The following NEGR1 variants were observed in gnomAD, a reference collection of about 807,000 sequenced individuals.
NEGR1 encodes the protein IgLON family member 4.
Under a neutral mutation model 40.9 loss-of-function variants are expected in NEGR1, and 10 were observed. That is an observed-to-expected ratio of 0.24 (90% confidence interval 0.15 to 0.42). The LOEUF is 0.42. Among genes scored for constraint, NEGR1 ranks in the 10% least tolerant of loss-of-function variants. The probability of loss-of-function intolerance (pLI) is 1.00; values close to 1 mark genes in which losing one functional copy is unlikely to be tolerated. For synonymous variants in NEGR1, 185 were observed against 166.8 expected (o/e 1.11, Z -0.84); for missense variants, 352 against 438.9 (o/e 0.80, Z 1.77).
intron 1 of NEGR1, among the ~76,000 whole-genome samples, chr1:72,248,575 T>TTTATTATTATTATTATTA (rs201326223): frequency 3.0e-4 from 40 of 132,958 alleles, no homozygotes; most frequent in Admixed American, 2.3e-4. Context: ...TCTATTTTTA[T>TTTATTATTATTATTATTA]TTATTATTAT....
intron 2 of NEGR1, chr1:71,794,178 G>C (rs1272029536): frequency 6.6e-6 from 1 of 152,092 alleles, no homozygotes; most frequent in Non-Finnish European, 1.5e-5. Context: ...AATTCAACTG[G>C]ATTACAGAAA....
At chr1:71,676,786 AAGAG>A (rs1360698493) in intron 4 of NEGR1, among the ~76,000 whole-genome samples, 6 of 152,190 alleles carry the variant, frequency 3.9e-5, no homozygotes, top group Non-Finnish European at 7.3e-5. Flanking sequence ...GGATGCAAGA[AAGAG>A]AGAAGAGATA....
chr1:71,524,188 T>C (rs1327116897), intron 6 of NEGR1, among the ~76,000 whole-genome samples: 9 of 151,720 alleles, frequency 5.9e-5, no homozygotes, highest in Non-Finnish European at 1.2e-4. Flanking sequence ...AGTCATTAAC[T>C]CTAATTGTTT....
intron 1 of NEGR1, among the ~76,000 whole-genome samples, chr1:71,935,653 C>T (rs1020045027): frequency 3.3e-5 from 5 of 151,926 alleles, no homozygotes; most frequent in African/African-American, 1.2e-4. Flanking sequence ...CAATTTTCTG[C>T]ATTAAAGCCT....
intron 6 of NEGR1, among the ~76,000 whole-genome samples, chr1:71,571,289 C>A (rs1648799457): frequency 6.6e-6 from 1 of 152,108 alleles, no homozygotes; most frequent in African/African-American, 2.4e-5. Context: ...GGAAAGGCAC[C>A]ATCACATTAT....
At position 71,403,066 on chromosome 1, in the gene NEGR1, T is replaced by A. The variant is rs553957051; in HGVS notation, c.*4380A>T. On this transcript the variant is annotated 3_prime_UTR_variant, in exon 7 of 7. Transcript: ENST00000357731. ...TCAAAATAGCTTATAAAACCAAGCA[T>A]GAATCTTTTTTATGCTTTGTTGTTT... The A allele has an allele frequency of 3.2e-4, 48 of 152,244 alleles. No individual in the cohort carries two copies. The highest frequency in any genetic ancestry group is 5.9e-4 in the Non-Finnish European group (40 of 67,950). 9.4% of individuals were successfully genotyped at this position (152,244 alleles called of 1,614,324 possible).
At chr1:72,248,985 T>A (rs1654998564) in intron 1 of NEGR1, among the ~76,000 whole-genome samples, 1 of 152,216 alleles carries the variant, frequency 6.6e-6, no homozygotes, top group East Asian at 1.9e-4. Flanking sequence ...CATTTTTACA[T>A]CTTCAAATTA....
At chr1:72,179,996 T>C (rs1458972333) in intron 1 of NEGR1, among the ~76,000 whole-genome samples, 1 of 151,998 alleles carries the variant, frequency 6.6e-6, no homozygotes, top group Admixed American at 6.6e-5. Context: ...CCCATCAAAA[T>C]CCCAATGGCA....
intron 1 of NEGR1, among the ~76,000 whole-genome samples, chr1:71,996,999 C>T (rs1332907786): frequency 1.3e-5 from 2 of 151,982 alleles, no homozygotes; most frequent in African/African-American, 4.8e-5. Context: ...GAGCTATGCT[C>T]TACTTCTCCT....
chr1:71,720,956 T>G (rs991686705), intron 3 of NEGR1, among the ~76,000 whole-genome samples: 1 of 152,120 alleles, frequency 6.6e-6, no homozygotes, highest in Non-Finnish European at 1.5e-5. Context: ...AAAACATCAG[T>G]CAGCACTGCA....
intron 6 of NEGR1, among the ~76,000 whole-genome samples, chr1:71,507,146 A>G (rs189487596): frequency 5.5e-4 from 84 of 152,346 alleles, no homozygotes; most frequent in Admixed American, 4.8e-3. Flanking sequence ...ATGGTCATCA[A>G]AAAGAGAACA....
At chr1:71,411,721 C>T (rs558226507) in intron 6 of NEGR1, among the ~76,000 whole-genome samples, 60 of 152,040 alleles carry the variant, frequency 3.9e-4, no homozygotes, top group Non-Finnish European at 6.2e-4. Flanking sequence ...CTATGTTGCT[C>T]GGGTGCAGTG....
At chr1:71,901,525 G>T (rs1376288525) in intron 2 of NEGR1, among the ~76,000 whole-genome samples, 1 of 151,926 alleles carries the variant, frequency 6.6e-6, no homozygotes, top group Non-Finnish European at 1.5e-5. Flanking sequence ...TTGATCTAGG[G>T]TGTAGGTAAT....
chr1:72,091,670 T>C (rs1450614446), intron 1 of NEGR1, among the ~76,000 whole-genome samples: 1 of 151,994 alleles, frequency 6.6e-6, no homozygotes, highest in Non-Finnish European at 1.5e-5. Flanking sequence ...TCCAGAAACT[T>C]TACAGAGGGA....
chr1:71,904,009 G>A (rs1006056929), intron 2 of NEGR1, among the ~76,000 whole-genome samples: 2 of 151,744 alleles, frequency 1.3e-5, no homozygotes, highest in African/African-American at 2.4e-5. Context: ...CTATTTACAT[G>A]ATATGAGAAC....
intron 3 of NEGR1, among the ~76,000 whole-genome samples, chr1:71,767,121 T>C (rs931250157): frequency 6.6e-6 from 1 of 152,150 alleles, no homozygotes; most frequent in Non-Finnish European, 1.5e-5. Flanking sequence ...GGCATTGCTA[T>C]AAAGATACCT....
chr1:71,676,616 A>C (rs1019751676), intron 4 of NEGR1, among the ~76,000 whole-genome samples: 1 of 152,208 alleles, frequency 6.6e-6, no homozygotes, highest in Admixed American at 6.5e-5. Flanking sequence ...TTCTAAGCAG[A>C]TATCTCCACC....
chr1:72,156,230 A>G (rs1182272097), intron 1 of NEGR1, among the ~76,000 whole-genome samples: 1 of 152,118 alleles, frequency 6.6e-6, no homozygotes, highest in Non-Finnish European at 1.5e-5. Flanking sequence ...CTTTTTATGT[A>G]CTATTATGAA....
chr1:71,472,009 G>T (rs567539387), intron 6 of NEGR1, among the ~76,000 whole-genome samples: 7 of 152,194 alleles, frequency 4.6e-5, no homozygotes, highest in African/African-American at 1.7e-4. Flanking sequence ...AATCTCTGCA[G>T]TCATCAAAAG....
Sources: allele counts gnomAD v4.1 joint callset (sites outside exome capture counted in the v4.1 genomes callset), GRCh38; gene constraint gnomAD v4.1.1; transcripts MANE v1.5; gene names NCBI Gene and HGNC (gene_info 2026-07-23, HGNC 2026-07-21).